Variants in SEC63 observed in about 807,000 individuals in gnomAD.
SEC63 encodes the protein translocation protein SEC63 homolog.
SEC63 carries 56 observed loss-of-function variants against 116.2 expected under a neutral mutation model. That is an observed-to-expected ratio of 0.48 (90% CI 0.39 to 0.60). SEC63 has a LOEUF of 0.60. Ranked by LOEUF, SEC63 falls within the 20% of genes least tolerant of loss-of-function variation. The pLI, the probability that SEC63 is intolerant of heterozygous loss-of-function variation, is 0.00. For synonymous variants in SEC63, 273 were observed against 294.6 expected, an observed-to-expected ratio of 0.93 and a Z score of 0.75; for missense variants, 668 against 900.0, an observed-to-expected ratio of 0.74 and a Z score of 3.30.
intron 1 of SEC63, among the ~76,000 whole-genome samples, chr6:107,944,053 T>C (rs1484367491): frequency 2.0e-5 from 3 of 152,094 alleles, no homozygotes; most frequent in Non-Finnish European, 2.9e-5. Context: ...TGATGAGAAA[T>C]GGTCGGACAC....
chr6:107,878,234 C>T (rs1362056540), intron 18 of SEC63, among the ~76,000 whole-genome samples: 7 of 152,200 alleles, frequency 4.6e-5, no homozygotes, highest in Admixed American at 1.3e-4. Context: ...TTTCACTTCC[C>T]TAAAATCTCA....
In SEC63 at chr6:107,870,178, A is replaced by G. The variant is rs557911; in HGVS notation, c.*1526T>C. 0.88 allele frequency: 134,434 copies of G among 152,748 alleles called. 59,313 individuals carry two copies. The highest frequency in any genetic ancestry group is 0.92 in the Middle Eastern group (271 of 294). The allele number at this position is 152,748 out of a possible 1,614,324, so 9.5% of individuals were successfully genotyped here. A position where few individuals can be genotyped will look rare whatever the true frequency, so the allele number is the denominator to read the frequency against. On this transcript the variant is annotated 3_prime_UTR_variant, in exon 21 of 21. Transcript: ENST00000369002. ...AATGAAGTAAATGAAAAAAATCCTC[A>G]GTGACACTGCCTCCTGCCTGCCAAG...
At chr6:107,927,990 A>AC (rs1473163741) in intron 2 of SEC63, among the ~76,000 whole-genome samples, 1 of 152,078 alleles carries the variant, frequency 6.6e-6, no homozygotes, top group Non-Finnish European at 1.5e-5. Flanking sequence ...CCCACTTGGA[A>AC]CCCGCAGATA....
chr6:107,914,545 C>G (rs1344143408), intron 4 of SEC63, among the ~76,000 whole-genome samples: 1 of 151,926 alleles, frequency 6.6e-6, no homozygotes, highest in Admixed American at 6.6e-5. Flanking sequence ...GTCTTTAATC[C>G]TTATTTAATT....
intron 10 of SEC63, 134 bp from the exon 11 acceptor site, chr6:107,904,855 A>C: frequency 1.3e-6 from 1 of 749,890 alleles, no homozygotes; most frequent in South Asian, 1.5e-5. Flanking sequence ...TACAGATTGA[A>C]TGGAAGAGTT....
At chr6:107,887,002 T>A (rs1231037354) in intron 16 of SEC63, among the ~76,000 whole-genome samples, 2 of 152,104 alleles carry the variant, frequency 1.3e-5, no homozygotes, top group East Asian at 3.8e-4. Flanking sequence ...TCTTCTAGGG[T>A]TTTTATGGTT....
intron 2 of SEC63, among the ~76,000 whole-genome samples, chr6:107,926,449 AC>A: frequency 6.6e-6 from 1 of 152,258 alleles, no homozygotes; most frequent in East Asian, 1.9e-4. Flanking sequence ...ATCATGGCTC[AC>A]TGCAGCCTCG....
intron 16 of SEC63, among the ~76,000 whole-genome samples, chr6:107,887,549 GA>G (rs1440678350): frequency 4.7e-5 from 7 of 148,898 alleles, no homozygotes; most frequent in Admixed American, 2.7e-4. Context: ...ATTGAACAAT[GA>G]GATCACATGG....
At chr6:107,916,933 G>T (rs1227482014) in intron 4 of SEC63, among the ~76,000 whole-genome samples, 2 of 152,112 alleles carry the variant, frequency 1.3e-5, no homozygotes, top group African/African-American at 4.8e-5. Flanking sequence ...GGCCTCTGTT[G>T]GGAGCAAGCC....
chr6:107,881,492 C>T (rs1432578740), intron 17 of SEC63, among the ~76,000 whole-genome samples: 1 of 152,068 alleles, frequency 6.6e-6, no homozygotes, highest in East Asian at 1.9e-4. Flanking sequence ...TCTCTTTGGT[C>T]TCCTGTCACT....
chr6:107,873,143 G>C (rs1786172531), intron 19 of SEC63, among the ~76,000 whole-genome samples: 1 of 152,116 alleles, frequency 6.6e-6, no homozygotes, highest in Non-Finnish European at 1.5e-5. Flanking sequence ...GAACTGATGA[G>C]GTTAATTTGT....
At chr6:107,953,513 G>A (rs2114522912) in intron 1 of SEC63, among the ~76,000 whole-genome samples, 1 of 148,224 alleles carries the variant, frequency 6.7e-6, no homozygotes, top group African/African-American at 2.5e-5. Flanking sequence ...CCCCGTCCGG[G>A]AGGGAGGTGG....
At chr6:107,947,697 A>G (rs1229544932) in intron 1 of SEC63, among the ~76,000 whole-genome samples, 2 of 152,126 alleles carry the variant, frequency 1.3e-5, no homozygotes, top group Admixed American at 1.3e-4. Context: ...AAAATTCAAA[A>G]TCTGCACTCC....
chr6:107,947,998 G>T (rs1387553314), intron 1 of SEC63, among the ~76,000 whole-genome samples: 2 of 152,154 alleles, frequency 1.3e-5, no homozygotes, highest in Non-Finnish European at 2.9e-5. Flanking sequence ...ACCTGAGTTG[G>T]TCGTAAGTGC....
intron 14 of SEC63, among the ~76,000 whole-genome samples, chr6:107,896,083 T>A (rs1786811153): frequency 6.6e-6 from 1 of 151,984 alleles, no homozygotes; most frequent in Non-Finnish European, 1.5e-5. Context: ...GGAGAATCAT[T>A]TGAGCCTAGG....
chr6:107,911,274 G>A lies in SEC63; in HGVS notation c.624+72C>T. The A allele has an allele frequency of 1.7e-5, 17 of 1,000,642 alleles. 1 individual carries two copies. The highest frequency in any genetic ancestry group is 2.3e-4 in the Middle Eastern group (1 of 4,334). 62.0% of individuals were successfully genotyped at this position (1,000,642 alleles called of 1,614,324 possible). A position where few individuals can be genotyped will look rare whatever the true frequency, so the allele number is the denominator to read the frequency against. ...TTATATTCTAACATACATTTAAAATGTTATAGGGAGACTCCAAAACATGTC... is the reference window on the plus strand; with the variant it reads ...TTATATTCTAACATACATTTAAAATATTATAGGGAGACTCCAAAACATGTC... On this transcript the variant is annotated intron_variant, in intron 7 of 20. Coordinates refer to ENST00000369002, the MANE Select transcript of SEC63 (RefSeq NM_007214.5).
chr6:107,924,688 T>C, intron 3 of SEC63, 130 bp downstream of exon 3: 2 of 644,730 alleles, frequency 3.1e-6, no homozygotes, highest in South Asian at 3.6e-5. Context: ...GGATTAGACA[T>C]CTTATTTTAA....
chr6:107,925,269 T>C (rs1050171512), intron 2 of SEC63, among the ~76,000 whole-genome samples: 3 of 152,308 alleles, frequency 2.0e-5, no homozygotes, highest in East Asian at 3.9e-4. Flanking sequence ...CCATTTAATG[T>C]AAAAAAGAAT....
At chr6:107,877,969 T>A (rs1254198433) in intron 18 of SEC63, among the ~76,000 whole-genome samples, 1 of 152,122 alleles carries the variant, frequency 6.6e-6, no homozygotes, top group Admixed American at 6.5e-5. Context: ...AAACCGAGGG[T>A]TAGGACTACC....
Sources: allele counts gnomAD v4.1 joint callset (sites outside exome capture counted in the v4.1 genomes callset), GRCh38; gene constraint gnomAD v4.1.1; transcripts MANE v1.5; gene names NCBI Gene and HGNC (gene_info 2026-07-23, HGNC 2026-07-21).